The following AHDC1 variants were observed in gnomAD, a reference collection of about 807,000 sequenced individuals.
The protein encoded by AHDC1 is AT-hook DNA binding motif containing 1, also known as transcription factor Gibbin.
Under a neutral mutation model 87.9 loss-of-function variants are expected in AHDC1, and 7 were observed. That is an observed-to-expected ratio of 0.08 (90% confidence interval 0.05 to 0.15). The LOEUF (loss-of-function observed/expected upper bound fraction) is 0.15, where lower values mean the gene tolerates loss of function less well. Ranked by LOEUF, AHDC1 falls within the 10% of genes least tolerant of loss-of-function variation. AHDC1 has a pLI of 1.00. For missense variants in AHDC1, 1,841 were observed against 2,253.2 expected (o/e 0.82, Z 3.70); for synonymous variants, 1,051 against 1,006.8 (o/e 1.04, Z -0.83).
intron 8 of AHDC1, among the ~76,000 whole-genome samples, chr1:27,540,063 G>C (rs2018837654): frequency 6.6e-6 from 1 of 152,156 alleles, no homozygotes; most frequent in African/African-American, 2.4e-5. Flanking sequence ...ACATGCAACT[G>C]AAGTGGAGGC....
At chr1:27,581,915 A>G (rs1038042365) in intron 3 of AHDC1, among the ~76,000 whole-genome samples, 5 of 151,926 alleles carry the variant, frequency 3.3e-5, no homozygotes, top group African/African-American at 4.8e-5. Context: ...GAGTCTCAAC[A>G]CCACCCACAC....
At chr1:27,539,252 A>ACCTCAG in intron 8 of AHDC1, among the ~76,000 whole-genome samples, 1 of 146,468 alleles carries the variant, frequency 6.8e-6, no homozygotes, top group South Asian at 2.1e-4. Flanking sequence ...CGATCTTCCC[A>ACCTCAG]CCTCAGCCTC....
intron 3 of AHDC1, among the ~76,000 whole-genome samples, chr1:27,581,902 CCT>C (rs975122632): frequency 3.9e-5 from 6 of 152,190 alleles, no homozygotes; most frequent in African/African-American, 7.2e-5. Context: ...CTTCCCCTCC[CCT>C]GAGTCTCAAC....
intron 3 of AHDC1, among the ~76,000 whole-genome samples, chr1:27,585,944 G>A (rs1385998681): frequency 6.6e-6 from 1 of 151,664 alleles, no homozygotes; most frequent in Non-Finnish European, 1.5e-5. Context: ...GTCTGTCCTA[G>A]GGATTAATGA....
chr1:27,575,894 A>AG (rs557201788), intron 3 of AHDC1, among the ~76,000 whole-genome samples: 1,887 of 13,686 alleles, frequency 0.14, 13 homozygotes, highest in Non-Finnish European at 0.24. Context: ...GCTGAATGGG[A>AG]GGGGGGGCGG....
At chr1:27,596,013 C>A (rs924852273) in intron 3 of AHDC1, among the ~76,000 whole-genome samples, 4 of 151,868 alleles carry the variant, frequency 2.6e-5, no homozygotes, top group African/African-American at 9.7e-5. Flanking sequence ...GTGTTGGGAG[C>A]TGTAACTGAG....
chr1:27,567,174 T>G (rs956933803), intron 3 of AHDC1, among the ~76,000 whole-genome samples: 1 of 152,024 alleles, frequency 6.6e-6, no homozygotes, highest in Non-Finnish European at 1.5e-5. Flanking sequence ...TAGCTGAAGA[T>G]CCTGCATGCT....
In AHDC1 at chr1:27,565,560, C is replaced by T. The variant is rs1237088054; in HGVS notation, c.-628-6677G>A. On this transcript the variant is annotated intron_variant, in intron 3 of 8. Transcript: ENST00000673934. The surrounding 1 kb of genome is among the most constrained non-coding windows in gnomAD (Gnocchi z 4.6). ...TGGACAAACATTCTGTCTGGTGTCCCCCGGCGCTGGTGAGCAAGGGGCGGG... is the reference window on the plus strand; with the variant it reads ...TGGACAAACATTCTGTCTGGTGTCCTCCGGCGCTGGTGAGCAAGGGGCGGG... 6.6e-6 allele frequency among the ~76,000 whole-genome samples: 1 copy of T among 152,158 alleles called. No homozygotes were observed. Among genetic ancestry groups the T allele is most frequent in the Non-Finnish European group, 1.5e-5 (1 of 68,032 alleles).
At chr1:27,568,065 T>C (rs948504737) in intron 3 of AHDC1, 1 of 152,294 alleles carries the variant, frequency 6.6e-6, no homozygotes, top group African/African-American at 2.4e-5. Flanking sequence ...TGGTGGCTAT[T>C]CTGAGGCGGG....
chr1:27,547,344 T>C lies in AHDC1; in HGVS notation c.4772A>G (p.Glu1591Gly), dbSNP rs1262218616. Residue 1591 changes from glutamate to glycine, a missense_variant, in exon 8 of 9, where the codon GAA becomes GGA. This residue lies in a region of AHDC1 where 505 missense variants were observed against 626.2 expected (regional missense o/e 0.81). Coordinates refer to ENST00000673934, the MANE Select transcript of AHDC1 (RefSeq NM_001371928.1). This position sits in a 1 kb window ranked among gnomAD's most constrained non-coding sequence, Gnocchi z 4.9. ...GGTGAATGTGTCCTCGGGGTGAGGTTCCGCCATGGGCCCCAGGAAGCCGCT... is the reference window on the plus strand; with the variant it reads ...GGTGAATGTGTCCTCGGGGTGAGGTCCCGCCATGGGCCCCAGGAAGCCGCT... Reference protein sequence around the residue: ...PKSGFLGPMAEPHPEDTFTVT... With the variant: ...PKSGFLGPMAGPHPEDTFTVT... The C allele has an allele frequency of 6.4e-7, 1 of 1,554,968 alleles. No homozygotes were observed. The highest frequency in any genetic ancestry group is 2.0e-5 in the Admixed American group (1 of 49,750).
Position 27,560,210 on chromosome 1 carries a change from G to GTT in AHDC1, c.-628-1328_-628-1327insAA, listed in dbSNP as rs1263338403. On this transcript the variant is annotated intron_variant, in intron 3 of 8. Coordinates refer to ENST00000673934, the MANE Select transcript of AHDC1 (RefSeq NM_001371928.1). This position sits in a 1 kb window ranked among gnomAD's most constrained non-coding sequence, Gnocchi z 4.1. Reference sequence around the variant, plus strand: ...TTATTTCTATTCGTTTTGTGTGTGTGTGTGTGTGTGTGTGAGTCTAGCTAA... The same window carrying GTT: ...TTATTTCTATTCGTTTTGTGTGTGTGTTTGTGTGTGTGTGTGAGTCTAGCTAA... Among the ~76,000 whole-genome samples, 1 of 151,666 alleles carries GTT rather than the reference G, an allele frequency of 6.6e-6. No homozygotes were observed. Among genetic ancestry groups the GTT allele is most frequent in the African/African-American group, 2.4e-5 (1 of 41,240 alleles).
chr1:27,598,994 C>G lies in AHDC1; in HGVS notation c.-629+4403G>C, dbSNP rs59868698. Among the ~76,000 whole-genome samples, 5,143 of 152,274 alleles carry G rather than the reference C, an allele frequency of 0.034. 256 individuals carry two copies. Among genetic ancestry groups the G allele is most frequent in the African/African-American group, 0.11 (4,669 of 41,526 alleles). ...CCAATAGCTCACAGTCCAAATCCCA[C>G]AATGGATGGGGAAACTGAGGCCCAA... On this transcript the variant is annotated intron_variant, in intron 3 of 8. Coordinates refer to ENST00000673934, the MANE Select transcript of AHDC1 (RefSeq NM_001371928.1). This position sits in a 1 kb window ranked among gnomAD's most constrained non-coding sequence, Gnocchi z 4.2.
rs985003762 is a variant in AHDC1 at position 27,593,048 on chromosome 1, C to A, written c.-629+10349G>T. ...CTCCGAGCTGCATTATTTATAAAAC[C>A]CAGAGCAAGGAGCTGAGCAACAGCT... On this transcript the variant is annotated intron_variant, in intron 3 of 8. Coordinates refer to ENST00000673934, the MANE Select transcript of AHDC1 (RefSeq NM_001371928.1). This position sits in a 1 kb window ranked among gnomAD's most constrained non-coding sequence, Gnocchi z 4.9. 1.3e-5 allele frequency among the ~76,000 whole-genome samples: 2 copies of A among 152,096 alleles called. No homozygotes were observed. The highest frequency in any genetic ancestry group is 6.5e-5 in the Admixed American group (1 of 15,282).
Position 27,561,179 on chromosome 1 carries a change from G to T in AHDC1, c.-628-2296C>A, listed in dbSNP as rs1251502568. Among the ~76,000 whole-genome samples the T allele has an allele frequency of 1.3e-5, 2 of 152,212 alleles. No individual in the cohort carries two copies. The highest frequency in any genetic ancestry group is 2.9e-5 in the Non-Finnish European group (2 of 68,040). ...TTTGCAGCTCCCCAGAGGCCCAGGA[G>T]GAAGGAAAAGATGGAAATCTGGGTG... is the stretch of plus-strand genomic sequence containing the variant. On this transcript the variant is annotated intron_variant, in intron 3 of 8. Coordinates refer to ENST00000673934, the MANE Select transcript of AHDC1 (RefSeq NM_001371928.1). This position sits in a 1 kb window ranked among gnomAD's most constrained non-coding sequence, Gnocchi z 4.2.
At chr1:27,577,740 C>G (rs958047970) in intron 3 of AHDC1, among the ~76,000 whole-genome samples, 1 of 152,178 alleles carries the variant, frequency 6.6e-6, no homozygotes, top group African/African-American at 2.4e-5. Flanking sequence ...AGCTCCTGCT[C>G]TCTCAAGGGT....
intron 3 of AHDC1, 123 bp from the exon 4 acceptor site, chr1:27,559,006 A>G: frequency 2.5e-6 from 1 of 397,256 alleles, no homozygotes. Context: ...TCCACCTCCA[A>G]CCTCATCGCA....
rs965471868 is a variant in AHDC1, at chr1:27,560,980, G to A, written c.-628-2097C>T. On this transcript the variant is annotated intron_variant, in intron 3 of 8. Coordinates refer to ENST00000673934, the MANE Select transcript of AHDC1 (RefSeq NM_001371928.1). The surrounding 1 kb of genome is among the most constrained non-coding windows in gnomAD (Gnocchi z 4.1). ...CCTCCCTTCCTCTCTCTCTCTCTCT[G>A]TAGGAGCCAGACAACTCCCCAAGCC... is the stretch of plus-strand genomic sequence containing the variant. 3.3e-5 allele frequency among the ~76,000 whole-genome samples: 5 copies of A among 151,818 alleles called. No homozygotes were observed. Among genetic ancestry groups the A allele is most frequent in the Non-Finnish European group, 2.9e-5 (2 of 67,960 alleles).
At position 27,548,313 on chromosome 1, in the gene AHDC1, G is replaced by A; in HGVS notation, c.3803C>T (p.Pro1268Leu). ...GCCCCGTCCACCTCGCGGCTGCCGG[G>A]GCCCAGTGCTCCGTTTGGATGGGTA... ...SGYPSKRSTG[P>L]RQPRGGRGGG... The change falls in exon 8 of 9, where the codon CCC becomes CTC. Residue 1268 changes from proline (P) to leucine (L), a missense_variant. Pro to Leu is a moderately conservative substitution (Grantham distance 98). Transcript: ENST00000673934. The A allele has an allele frequency of 6.2e-7, 1 of 1,606,456 alleles. No individual in the cohort carries two copies. Among genetic ancestry groups the A allele is most frequent in the Non-Finnish European group, 8.5e-7 (1 of 1,175,206 alleles).
chr1:27,602,998 C>G (rs931121636), intron 3 of AHDC1, among the ~76,000 whole-genome samples: 1 of 143,036 alleles, frequency 7.0e-6, no homozygotes, highest in South Asian at 2.5e-4. Flanking sequence ...CCCCCCCCCC[C>G]ACATTCTCAG....
Sources: allele counts gnomAD v4.1 joint callset (sites outside exome capture counted in the v4.1 genomes callset), GRCh38; gene constraint gnomAD v4.1.1; regional missense constraint gnomAD v4.1.1; non-coding constraint Gnocchi (gnomAD v3.1); transcripts MANE v1.5; gene names NCBI Gene and HGNC (gene_info 2026-07-23, HGNC 2026-07-21).